SPAG16: variants seen among roughly 807,000 people sequenced by gnomAD.
SPAG16 encodes sperm-associated antigen 16 protein.
Under a neutral mutation model 80.4 loss-of-function variants are expected in SPAG16, and 86 were observed. The observed-to-expected ratio is 1.07, with a 90% CI of 0.90 to 1.28. The LOEUF is 1.28. Among genes scored for constraint, SPAG16 ranks in the 50% most tolerant of loss-of-function variants. SPAG16 has a pLI of 0.00. For missense variants in SPAG16, 870 were observed against 765.3 expected (o/e 1.14, Z -1.61); for synonymous variants, 294 against 265.9 (o/e 1.11, Z -1.03).
chr2:214,066,713 T>G (rs1175724008), intron 13 of SPAG16, among the ~76,000 whole-genome samples: 1 of 151,572 alleles, frequency 6.6e-6, no homozygotes, highest in East Asian at 1.9e-4. Context: ...TTGTACAGAA[T>G]AAAGATAGCA....
intron 15 of SPAG16, among the ~76,000 whole-genome samples, chr2:214,260,575 A>G (rs909932075): frequency 6.6e-6 from 1 of 152,098 alleles, no homozygotes; most frequent in African/African-American, 2.4e-5. Context: ...TCATCTATGC[A>G]TGGCTTTCTT....
chr2:213,634,936 T>TAATATATATATATATATATATA (rs1340907579), intron 10 of SPAG16, among the ~76,000 whole-genome samples: 3 of 151,560 alleles, frequency 2.0e-5, no homozygotes, highest in Admixed American at 6.6e-5. Context: ...ATTATTTCAC[T>TAATATATATATATATATATATA]CATATATATA....
At chr2:213,973,002 A>T (rs996738395) in intron 12 of SPAG16, among the ~76,000 whole-genome samples, 2 of 152,296 alleles carry the variant, frequency 1.3e-5, no homozygotes, top group South Asian at 4.1e-4. Flanking sequence ...AAAACAAAAA[A>T]ACACCTCTCA....
intron 9 of SPAG16, among the ~76,000 whole-genome samples, chr2:213,455,814 C>T (rs1321034485): frequency 1.3e-5 from 2 of 152,180 alleles, no homozygotes; most frequent in Non-Finnish European, 2.9e-5. Context: ...GGCCTGGTTC[C>T]AGTCTGCCAC....
intron 14 of SPAG16, among the ~76,000 whole-genome samples, chr2:214,145,741 A>G (rs1474318475): frequency 6.6e-6 from 1 of 152,210 alleles, no homozygotes; most frequent in East Asian, 1.9e-4. Flanking sequence ...TCTTATGACC[A>G]CAAAGCATTT....
At chr2:214,309,410 C>A (rs778014229) in intron 15 of SPAG16, among the ~76,000 whole-genome samples, 28 of 152,160 alleles carry the variant, frequency 1.8e-4, no homozygotes, top group Non-Finnish European at 3.1e-4. Flanking sequence ...CAGCCTCAGC[C>A]TGGCTTTAAA....
chr2:213,441,943 T>A (rs2125533183), intron 9 of SPAG16, among the ~76,000 whole-genome samples: 1 of 152,234 alleles, frequency 6.6e-6, no homozygotes, highest in South Asian at 2.1e-4. Flanking sequence ...AGTCAAGAGC[T>A]CAAGACCAGC....
chr2:213,588,204 T>A (rs1489767555), intron 10 of SPAG16, among the ~76,000 whole-genome samples: 1 of 152,064 alleles, frequency 6.6e-6, no homozygotes, highest in Non-Finnish European at 1.5e-5. Flanking sequence ...ATATTAAGCA[T>A]CAAAGACACA....
chr2:213,388,826 T>C (rs982419822), intron 9 of SPAG16, among the ~76,000 whole-genome samples: 1 of 152,106 alleles, frequency 6.6e-6, no homozygotes, highest in Non-Finnish European at 1.5e-5. Flanking sequence ...CTGAGGGAAA[T>C]TAAAGAAGAC....
At chr2:213,465,408 G>A (rs535272397) in intron 9 of SPAG16, among the ~76,000 whole-genome samples, 1 of 152,280 alleles carries the variant, frequency 6.6e-6, no homozygotes, top group African/African-American at 2.4e-5. Flanking sequence ...AATTCTGTCT[G>A]TAAAGAGAGT....
At chr2:213,411,772 C>T (rs1326723080) in intron 9 of SPAG16, among the ~76,000 whole-genome samples, 2 of 152,106 alleles carry the variant, frequency 1.3e-5, no homozygotes, top group East Asian at 3.9e-4. Flanking sequence ...TCATACCATA[C>T]ATCCGTAAGT....
intron 10 of SPAG16, among the ~76,000 whole-genome samples, chr2:213,535,594 C>T (rs2076215645): frequency 1.3e-5 from 2 of 152,142 alleles, no homozygotes; most frequent in Admixed American, 6.5e-5. Context: ...TGTATATAAT[C>T]TATTTTTCTG....
intron 13 of SPAG16, among the ~76,000 whole-genome samples, chr2:214,088,757 T>A (rs1335207844): frequency 6.6e-6 from 1 of 152,064 alleles, no homozygotes; most frequent in African/African-American, 2.4e-5. Context: ...TGGGACCAGA[T>A]GGCTTTATGA....
chr2:214,288,877 T>C (rs1019787051), intron 15 of SPAG16, among the ~76,000 whole-genome samples: 25 of 152,092 alleles, frequency 1.6e-4, no homozygotes, highest in African/African-American at 5.6e-4. Flanking sequence ...CACGCCATTC[T>C]TCTGCCTCAG....
chr2:213,905,197 G>A (rs2077385145), intron 11 of SPAG16, among the ~76,000 whole-genome samples: 1 of 152,106 alleles, frequency 6.6e-6, no homozygotes. Context: ...TTTATTTTAT[G>A]GGAGCAAATT....
chr2:213,850,356 A>G (rs915692615), intron 10 of SPAG16, among the ~76,000 whole-genome samples: 1 of 152,224 alleles, frequency 6.6e-6, no homozygotes, highest in African/African-American at 2.4e-5. Context: ...TGTTTAATCC[A>G]AGTTTTACAT....
rs1575174422 is a variant in SPAG16 at position 213,317,425 on chromosome 2, G to T, written c.536+69G>T. The T allele has an allele frequency of 8.0e-6, 12 of 1,509,114 alleles. No homozygotes were observed. The East Asian group carries it at 2.7e-4, about 34-fold the overall frequency. The allele number at this position is 1,509,114 out of a possible 1,614,324, so 93.5% of individuals were successfully genotyped here. A position where few individuals can be genotyped will look rare whatever the true frequency, so the allele number is the denominator to read the frequency against. On this transcript the variant is annotated intron_variant, in intron 5 of 15. Coordinates refer to ENST00000331683, the MANE Select transcript of SPAG16 (RefSeq NM_024532.5). ...CTAAATAAAAGAGTTGAGTGAAGCTGATATATGTAATATACCAGAGCCTTA... is the reference window on the plus strand; with the variant it reads ...CTAAATAAAAGAGTTGAGTGAAGCTTATATATGTAATATACCAGAGCCTTA...
intron 12 of SPAG16, among the ~76,000 whole-genome samples, chr2:213,936,560 T>A (rs2106271195): frequency 6.6e-6 from 1 of 152,220 alleles, no homozygotes; most frequent in African/African-American, 2.4e-5. Flanking sequence ...ATAGTGAAAG[T>A]CATAAAAATT....
At chr2:214,107,435 G>A (rs146649149) in intron 13 of SPAG16, among the ~76,000 whole-genome samples, 65 of 152,226 alleles carry the variant, frequency 4.3e-4, no homozygotes, top group African/African-American at 1.5e-3. Context: ...TTGTTCTACA[G>A]AATTTGGGTT....
Sources: gnomAD v4.1 joint callset for allele counts (sites outside exome capture counted in the v4.1 genomes callset) on GRCh38, gnomAD v4.1.1 for gene constraint, MANE v1.5 for transcripts, NCBI Gene and HGNC (gene_info 2026-07-23, HGNC 2026-07-21) for gene names.